BTG4: variants seen among roughly 807,000 people sequenced by gnomAD.
BTG4 encodes protein BTG4.
Under a neutral mutation model 19.3 loss-of-function variants are expected in BTG4, and 10 were observed. That is an observed-to-expected ratio of 0.52 (90% CI 0.32 to 0.88). The LOEUF is 0.88. BTG4 is among the 40% of genes least tolerant of loss of function. The probability of loss-of-function intolerance (pLI) is 0.04; values close to 1 mark genes in which losing one functional copy is unlikely to be tolerated. For synonymous variants in BTG4, 91 were observed against 95.7 expected, an observed-to-expected ratio of 0.95 and a Z score of 0.29; for missense variants, 238 against 281.9, an observed-to-expected ratio of 0.84 and a Z score of 1.11.
the BTG4 span, among the ~76,000 whole-genome samples, chr11:111,440,172 G>A: frequency 6.6e-6 from 1 of 152,144 alleles, no homozygotes; most frequent in Non-Finnish European, 1.5e-5. Flanking sequence ...GGACTGTTGA[G>A]CAAAGGGCCT....
At chr11:111,483,999 G>T (rs662800) in intron 5 of BTG4, among the ~76,000 whole-genome samples, 142,376 of 152,204 alleles carry the variant, frequency 0.94, 67,354 homozygotes, top group East Asian at 1. Context: ...AAATAACATA[G>T]AAAGGATCTC....
the BTG4 span, among the ~76,000 whole-genome samples, chr11:111,403,610 A>T: frequency 6.6e-6 from 1 of 152,208 alleles, no homozygotes; most frequent in African/African-American, 2.4e-5. Context: ...ATTTTCAGCA[A>T]GTCACTCCCT....
At chr11:111,393,649 C>G in the BTG4 span, among the ~76,000 whole-genome samples, 1 of 152,156 alleles carries the variant, frequency 6.6e-6, no homozygotes, top group Non-Finnish European at 1.5e-5. Context: ...TAAAGCAAAA[C>G]CAGAGTGTTG....
At chr11:111,397,845 T>C in the BTG4 span, 1 of 152,258 alleles carries the variant, frequency 6.6e-6, no homozygotes, top group Non-Finnish European at 1.5e-5. Context: ...TTTCAGGCCA[T>C]AAAGACACTA....
chr11:111,469,588 A>C (rs1863937046), intron 5 of BTG4, among the ~76,000 whole-genome samples: 1 of 152,210 alleles, frequency 6.6e-6, no homozygotes, highest in Admixed American at 6.5e-5. Flanking sequence ...ACAGCATCTC[A>C]GCTTTCTGTG....
the BTG4 span, among the ~76,000 whole-genome samples, chr11:111,459,333 T>A: frequency 6.6e-6 from 1 of 152,188 alleles, no homozygotes; most frequent in African/African-American, 2.4e-5. Flanking sequence ...TTCTGAGGAA[T>A]GGCAGGTGCT....
chr11:111,453,010 C>A, the BTG4 span, among the ~76,000 whole-genome samples: 1 of 152,102 alleles, frequency 6.6e-6, no homozygotes, highest in Non-Finnish European at 1.5e-5. Context: ...AGGCATGAAA[C>A]AACACACATC....
At chr11:111,499,314 A>C (rs1865925255) in intron 1 of BTG4, among the ~76,000 whole-genome samples, 1 of 152,226 alleles carries the variant, frequency 6.6e-6, no homozygotes. Context: ...TTATGTTTCC[A>C]ACTCTCACCC....
the BTG4 span, chr11:111,456,617 C>T: frequency 2.2e-6 from 1 of 451,218 alleles, no homozygotes; most frequent in Non-Finnish European, 4.5e-6. The surrounding 1 kb of genome is among the most constrained non-coding windows in gnomAD (Gnocchi z 4.2). Context: ...AGCGGCCACG[C>T]AGGCTCCATA....
At chr11:111,453,405 G>A in the BTG4 span, 2 of 455,914 alleles carry the variant, frequency 4.4e-6, no homozygotes, top group East Asian at 1.4e-4. Flanking sequence ...TATGTACTCT[G>A]TAGATGCAGT....
chr11:111,444,024 A>G, the BTG4 span, among the ~76,000 whole-genome samples: 1 of 152,238 alleles, frequency 6.6e-6, no homozygotes, highest in Non-Finnish European at 1.5e-5. Context: ...ACAGACACAC[A>G]TTTGGTTTAA....
chr11:111,491,928 T>C (rs79847409), downstream of BTG4, among the ~76,000 whole-genome samples: 1 of 138,624 alleles, frequency 7.2e-6, no homozygotes, highest in Non-Finnish European at 1.6e-5. Flanking sequence ...AATAAAAATA[T>C]ATAGTTGATT....
chr11:111,411,695 C>T, the BTG4 span, among the ~76,000 whole-genome samples: 2 of 152,214 alleles, frequency 1.3e-5, no homozygotes, highest in Non-Finnish European at 1.5e-5. Context: ...GATACCGTTG[C>T]TGCTGGCCCA....
the BTG4 span, chr11:111,416,314 TTCTC>T: frequency 6.6e-6 from 1 of 151,508 alleles, no homozygotes; most frequent in African/African-American, 2.4e-5. Flanking sequence ...CTCCCTCTCT[TTCTC>T]TCTCTCTCCC....
chr11:111,442,598 AAACAACAAC>A, the BTG4 span, among the ~76,000 whole-genome samples: 2 of 151,354 alleles, frequency 1.3e-5, no homozygotes, highest in Admixed American at 6.6e-5. Flanking sequence ...AGTACTCGAA[AAACAACAAC>A]AACAACAACA....
the BTG4 span, among the ~76,000 whole-genome samples, chr11:111,412,486 C>A: frequency 6.6e-6 from 1 of 152,152 alleles, no homozygotes; most frequent in Non-Finnish European, 1.5e-5. Context: ...GCTGACACGG[C>A]TTTTCTGATG....
intron 1 of BTG4, among the ~76,000 whole-genome samples, chr11:111,504,430 T>C (rs1866304149): frequency 6.6e-6 from 1 of 152,132 alleles, no homozygotes. Context: ...CCTTTACCAA[T>C]AATACTAAGC....
the BTG4 span, among the ~76,000 whole-genome samples, chr11:111,428,071 C>T: frequency 6.6e-6 from 1 of 152,120 alleles, no homozygotes; most frequent in East Asian, 1.9e-4. Flanking sequence ...GACTAATGGC[C>T]GTATTTTCCT....
chr11:111,396,575 A>G, the BTG4 span, among the ~76,000 whole-genome samples: 1 of 152,234 alleles, frequency 6.6e-6, no homozygotes, highest in South Asian at 2.1e-4. Flanking sequence ...AGATAAATGT[A>G]ACCACGAATG....
Sources: gnomAD v4.1 joint callset for allele counts (sites outside exome capture counted in the v4.1 genomes callset) on GRCh38, gnomAD v4.1.1 for gene constraint, Gnocchi (gnomAD v3.1) non-coding constraint, MANE v1.5 for transcripts, NCBI Gene and HGNC (gene_info 2026-07-23, HGNC 2026-07-21) for gene names.